GRIA1: variants seen among roughly 807,000 people sequenced by gnomAD.
The protein encoded by GRIA1 is glutamate ionotropic receptor AMPA type subunit 1, also known as glutamate receptor 1.
A neutral mutation model predicts 99.2 loss-of-function variants in GRIA1; 31 were observed. The observed-to-expected ratio is 0.31, with a 90% CI of 0.23 to 0.42. The LOEUF is 0.42. GRIA1 is among the 10% of genes least tolerant of loss of function. GRIA1 has a pLI of 1.00. For missense variants in GRIA1, 782 were observed against 1,157.5 expected (o/e 0.68, Z 4.71); for synonymous variants, 438 against 432.4 (o/e 1.01, Z -0.16).
chr5:153,730,618 A>G (rs6580030), intron 11 of GRIA1, among the ~76,000 whole-genome samples: 80,540 of 151,888 alleles, frequency 0.53, 22,372 homozygotes, highest in East Asian at 0.94. Flanking sequence ...TGTTACACAG[A>G]AAATAAAGAA....
chr5:153,538,775 A>G (rs565649724), intron 2 of GRIA1, among the ~76,000 whole-genome samples: 1 of 152,304 alleles, frequency 6.6e-6, no homozygotes, highest in African/African-American at 2.4e-5. Flanking sequence ...ATTGATTTAG[A>G]GGCCATGTTC....
At position 153,813,112 on chromosome 5, in the gene GRIA1, C is replaced by T. The variant is rs1243842719; in HGVS notation, c.*1887C>T. On this transcript the variant is annotated 3_prime_UTR_variant, in exon 16 of 16. Coordinates refer to ENST00000285900, the MANE Select transcript of GRIA1 (RefSeq NM_000827.4). Reference sequence around the variant, plus strand: ...AATCCTTCCAAAATCAAACTCTTCACTTTTTTGACTCAAGTGTTGTTGTTC... The same window carrying T: ...AATCCTTCCAAAATCAAACTCTTCATTTTTTTGACTCAAGTGTTGTTGTTC... 3 of 152,216 alleles carry T rather than the reference C, an allele frequency of 2.0e-5. No individual in the cohort carries two copies. Among genetic ancestry groups the T allele is most frequent in the Admixed American group, 2.0e-4 (3 of 15,290 alleles). The allele number at this position is 152,216 out of a possible 1,614,324, so 9.4% of individuals were successfully genotyped here.
Position 153,794,607 on chromosome 5 carries a change from AT to A in GRIA1, c.2271-12del. 6.5e-7 allele frequency: 1 copy of A among 1,527,074 alleles called. No individual in the cohort carries two copies. The highest frequency in any genetic ancestry group is 9.1e-7 in the Non-Finnish European group (1 of 1,101,630). The allele number at this position is 1,527,074 out of a possible 1,614,324, so 94.6% of individuals were successfully genotyped here. On this transcript the variant is annotated splice_polypyrimidine_tract_variant and intron_variant, in intron 13 of 15. Transcript: ENST00000285900. The stretch of plus-strand genomic sequence containing the variant: ...ACCTGTTACTCATCGAGTGTTATTT[AT>A]TCGTTTTTAAAGAAATCCAGTAAAC...
chr5:153,625,753 G>A (rs997115312), intron 2 of GRIA1, among the ~76,000 whole-genome samples: 24 of 152,192 alleles, frequency 1.6e-4, no homozygotes, highest in Admixed American at 1.6e-3. Context: ...AGTTTCTATA[G>A]CAACATTTAC....
intron 2 of GRIA1, among the ~76,000 whole-genome samples, chr5:153,577,205 A>G (rs1198274956): frequency 6.7e-6 from 1 of 150,154 alleles, no homozygotes; most frequent in East Asian, 1.9e-4. Context: ...TGGATGGGAG[A>G]AACAGGGGCC....
chr5:153,696,933 C>A (rs1581488297), intron 8 of GRIA1, among the ~76,000 whole-genome samples: 1 of 151,928 alleles, frequency 6.6e-6, no homozygotes, highest in African/African-American at 2.4e-5. Context: ...TCCCCTGTTG[C>A]CTTGAGGTGT....
In GRIA1 at chr5:153,647,238, T is replaced by A; in HGVS notation, c.460+71T>A. 4.0e-6 allele frequency: 6 copies of A among 1,508,444 alleles called. No individual in the cohort carries two copies. The South Asian group carries it at 6.1e-5, about 15-fold the overall frequency. The allele number at this position is 1,508,444 out of a possible 1,614,324, so 93.4% of individuals were successfully genotyped here. A position where few individuals can be genotyped will look rare whatever the true frequency, so the allele number is the denominator to read the frequency against. On this transcript the variant is annotated intron_variant, in intron 3 of 15. Transcript: ENST00000285900. ...AAATTACCAGCAGAAAGGAGAATGA[T>A]GCCTCACTGCTTCCCTGAAAAATAT...
At chr5:153,599,275 T>G (rs116571489) in intron 2 of GRIA1, among the ~76,000 whole-genome samples, 3,462 of 152,328 alleles carry the variant, frequency 0.023, 77 homozygotes, top group Admixed American at 0.055. Flanking sequence ...TCAACTAGAT[T>G]ATTTTGTCCA....
At chr5:153,662,548 C>A (rs1267772133) in intron 5 of GRIA1, among the ~76,000 whole-genome samples, 1 of 152,094 alleles carries the variant, frequency 6.6e-6, no homozygotes, top group Non-Finnish European at 1.5e-5. Flanking sequence ...GGCCAGCAGT[C>A]ATGTAGAGTG....
At chr5:153,634,584 G>C (rs769561200) in intron 2 of GRIA1, among the ~76,000 whole-genome samples, 1 of 152,090 alleles carries the variant, frequency 6.6e-6, no homozygotes, top group African/African-American at 2.4e-5. Context: ...AGATAGGCAG[G>C]GCCAGAACTC....
chr5:153,616,764 GA>G (rs2149416845), intron 2 of GRIA1, among the ~76,000 whole-genome samples: 1 of 152,326 alleles, frequency 6.6e-6, no homozygotes, highest in Admixed American at 6.5e-5. Flanking sequence ...GGGCATCAGG[GA>G]AAAGGGACTT....
At chr5:153,763,470 C>G (rs1763314297) in intron 11 of GRIA1, among the ~76,000 whole-genome samples, 1 of 152,168 alleles carries the variant, frequency 6.6e-6, no homozygotes, top group African/African-American at 2.4e-5. Context: ...GGTACAGGGG[C>G]TCCAGAATAA....
intron 2 of GRIA1, among the ~76,000 whole-genome samples, chr5:153,619,702 A>AG (rs921626921): frequency 3.0e-4 from 46 of 151,772 alleles, no homozygotes; most frequent in Middle Eastern, 6.8e-3. Flanking sequence ...TTTTAAAAAA[A>AG]AGAGAGAGAG....
intron 2 of GRIA1, chr5:153,574,269 T>C (rs1272852098): frequency 1.3e-5 from 2 of 152,186 alleles, no homozygotes; most frequent in African/African-American, 2.4e-5. Context: ...CTGTGACATA[T>C]ACATTCTAGT....
chr5:153,639,224 G>A (rs554416407), intron 2 of GRIA1, among the ~76,000 whole-genome samples: 103 of 152,326 alleles, frequency 6.8e-4, no homozygotes, highest in African/African-American at 2.4e-3. Context: ...AGACCAGCTA[G>A]GACTGACCCT....
At chr5:153,533,732 G>C (rs201130780) in intron 2 of GRIA1, among the ~76,000 whole-genome samples, 5 of 152,164 alleles carry the variant, frequency 3.3e-5, no homozygotes, top group East Asian at 3.8e-4. Context: ...AGAAGGGTGT[G>C]GGGGAGAAGG....
At chr5:153,768,118 C>T (rs1306160700) in intron 12 of GRIA1, among the ~76,000 whole-genome samples, 3 of 152,222 alleles carry the variant, frequency 2.0e-5, no homozygotes, top group African/African-American at 7.2e-5. Context: ...ATCTGCAAAT[C>T]TGGTCACAGC....
intron 11 of GRIA1, among the ~76,000 whole-genome samples, chr5:153,759,669 T>A (rs1581608893): frequency 6.6e-6 from 1 of 152,026 alleles, no homozygotes. Context: ...TCCAAAAAAA[T>A]TGAAAGGGAG....
intron 3 of GRIA1, among the ~76,000 whole-genome samples, chr5:153,648,904 AG>A (rs1425388961): frequency 2.0e-5 from 3 of 152,102 alleles, no homozygotes; most frequent in African/African-American, 7.2e-5. Context: ...TACATGGCAA[AG>A]GAAAATGAAG....
Sources: allele counts gnomAD v4.1 joint callset (sites outside exome capture counted in the v4.1 genomes callset), GRCh38; gene constraint gnomAD v4.1.1; transcripts MANE v1.5; gene names NCBI Gene and HGNC (gene_info 2026-07-23, HGNC 2026-07-21).